SEMA5A: variants seen among roughly 807,000 people sequenced by gnomAD.
SEMA5A encodes semaphorin 5A.
A neutral mutation model predicts 135.5 loss-of-function variants in SEMA5A; 55 were observed. The observed-to-expected ratio is 0.41, with a 90% CI of 0.33 to 0.51. The LOEUF (loss-of-function observed/expected upper bound fraction) is 0.51, where lower values mean the gene tolerates loss of function less well. Among genes scored for constraint, SEMA5A ranks in the 20% least tolerant of loss-of-function variants. SEMA5A has a pLI of 0.37. For missense variants in SEMA5A, 1,290 were observed against 1,419.9 expected (o/e 0.91, Z 1.47); for synonymous variants, 580 against 546.5 (o/e 1.06, Z -0.85).
chr5:9,348,590 T>C (rs1186276343), intron 3 of SEMA5A, among the ~76,000 whole-genome samples: 1 of 152,208 alleles, frequency 6.6e-6, no homozygotes, highest in African/African-American at 2.4e-5. Context: ...TTTTAGGCTA[T>C]AAAATCTAAT....
chr5:9,472,875 A>G (rs1317677533), intron 1 of SEMA5A, among the ~76,000 whole-genome samples: 1 of 150,588 alleles, frequency 6.6e-6, no homozygotes, highest in Non-Finnish European at 1.5e-5. Context: ...ATACTTATAT[A>G]GAATTAGTAT....
At chr5:9,353,374 A>AAAGG (rs1754294646) in intron 3 of SEMA5A, among the ~76,000 whole-genome samples, 7 of 145,826 alleles carry the variant, frequency 4.8e-5, no homozygotes, top group South Asian at 2.3e-4. Flanking sequence ...AAAGGAAAGG[A>AAAGG]AAGGAAAGGA....
At chr5:9,072,787 A>G (rs1737841458) in intron 16 of SEMA5A, among the ~76,000 whole-genome samples, 1 of 152,202 alleles carries the variant, frequency 6.6e-6, no homozygotes, top group Non-Finnish European at 1.5e-5. Context: ...TTTTAGGACA[A>G]AAAAATTGTC....
intron 11 of SEMA5A, among the ~76,000 whole-genome samples, chr5:9,188,996 C>T (rs1209526080): frequency 6.6e-6 from 1 of 152,222 alleles, no homozygotes; most frequent in Non-Finnish European, 1.5e-5. Context: ...CCTCCATCTG[C>T]CCACTCAGTG....
chr5:9,309,368 A>G (rs574777587), intron 5 of SEMA5A, among the ~76,000 whole-genome samples: 3 of 152,242 alleles, frequency 2.0e-5, no homozygotes, highest in African/African-American at 7.2e-5. Context: ...AGCACAGACT[A>G]GGAGAAAATG....
intron 1 of SEMA5A, among the ~76,000 whole-genome samples, chr5:9,452,450 GATAATACACAC>G (rs1758680058): frequency 6.6e-6 from 1 of 152,182 alleles, no homozygotes; most frequent in Non-Finnish European, 1.5e-5. Context: ...CCTGACACCT[GATAATACACAC>G]TCTCTCAGGC....
At chr5:9,200,690 A>G (rs112891301) in intron 9 of SEMA5A, among the ~76,000 whole-genome samples, 5 of 152,186 alleles carry the variant, frequency 3.3e-5, no homozygotes, top group Non-Finnish European at 1.5e-5. Flanking sequence ...AAGACTCTTC[A>G]TGGGGGGTAA....
At position 9,444,401 on chromosome 5, in the gene SEMA5A, T is replaced by C. The variant is rs559557548; in HGVS notation, c.-174-6549A>G. Among the ~76,000 whole-genome samples the C allele has an allele frequency of 1.1e-4, 16 of 152,296 alleles. 1 individual carries two copies. The South Asian group carries it at 3.3e-3, about 32-fold the overall frequency. ...GTGTAATTCTTATGCCTTTTCATCC[T>C]CATAACTTAGCTCCCACTTATGAAT... is the stretch of plus-strand genomic sequence containing the variant. On this transcript the variant is annotated intron_variant, in intron 1 of 22. Transcript: ENST00000382496.
At chr5:9,240,730 A>T (rs562192955) in intron 5 of SEMA5A, among the ~76,000 whole-genome samples, 2 of 152,066 alleles carry the variant, frequency 1.3e-5, no homozygotes, top group Non-Finnish European at 2.9e-5. Context: ...ATACCTCTTA[A>T]TCAAGCCTTC....
intron 1 of SEMA5A, among the ~76,000 whole-genome samples, chr5:9,489,000 T>C (rs1045113493): frequency 6.6e-6 from 1 of 152,196 alleles, no homozygotes; most frequent in African/African-American, 2.4e-5. Context: ...ACTTTGTGGT[T>C]ACCTCCAGAG....
intron 3 of SEMA5A, among the ~76,000 whole-genome samples, chr5:9,353,108 A>G (rs1409648151): frequency 1.2e-3 from 56 of 45,282 alleles, no homozygotes; most frequent in African/African-American, 4.5e-3. Context: ...GAAGGAAAGG[A>G]AAGGAAAGGA....
intron 1 of SEMA5A, among the ~76,000 whole-genome samples, chr5:9,499,012 C>T (rs545360047): frequency 1.3e-5 from 2 of 152,238 alleles, no homozygotes; most frequent in East Asian, 1.9e-4. Context: ...ATGACAATGC[C>T]GCAACTATGT....
Position 9,279,998 on chromosome 5 carries a change from GC to G in SEMA5A, c.270+38373del, listed in dbSNP as rs1334782445. On this transcript the variant is annotated intron_variant, in intron 5 of 22. Coordinates refer to ENST00000382496, the MANE Select transcript of SEMA5A (RefSeq NM_003966.3). ...CACTGGCTAAAATATTAACTATCCAGCCCTTTCCAAGAAAGAGGTGACTGAA... is the reference window on the plus strand; with the variant it reads ...CACTGGCTAAAATATTAACTATCCAGCCTTTCCAAGAAAGAGGTGACTGAA... Among the ~76,000 whole-genome samples, 19 of 152,262 alleles carry G rather than the reference GC, an allele frequency of 1.2e-4. No individual in the cohort carries two copies. The East Asian group carries it at 3.7e-3, about 29-fold the overall frequency.
chr5:9,342,287 G>A (rs955277319), intron 3 of SEMA5A, among the ~76,000 whole-genome samples: 1 of 152,174 alleles, frequency 6.6e-6, no homozygotes, highest in Non-Finnish European at 1.5e-5. Context: ...AAATCTGACT[G>A]AGAGCCACTC....
chr5:9,049,895 AG>A (rs1736473076), intron 21 of SEMA5A, among the ~76,000 whole-genome samples: 1 of 152,246 alleles, frequency 6.6e-6, no homozygotes, highest in Non-Finnish European at 1.5e-5. Flanking sequence ...CTAGCACTAT[AG>A]GTATAACCTT....
intron 9 of SEMA5A, among the ~76,000 whole-genome samples, chr5:9,197,728 TTGTGTGTGTGTGTGTGTGTGTGTGTG>T (rs70943946): frequency 2.9e-4 from 17 of 59,308 alleles, no homozygotes; most frequent in Non-Finnish European, 4.2e-4. Flanking sequence ...GGAAAGCTGT[TTGTGTGTGTGTGTGTGTGTGTGTGTG>T]TGTGTGTGTG....
At chr5:9,181,485 A>G (rs1256362695) in intron 11 of SEMA5A, among the ~76,000 whole-genome samples, 1 of 151,884 alleles carries the variant, frequency 6.6e-6, no homozygotes, top group African/African-American at 2.4e-5. Flanking sequence ...TTTTTCCTCA[A>G]TTGGCAGCCC....
intron 2 of SEMA5A, among the ~76,000 whole-genome samples, chr5:9,388,587 C>T (rs113035466): frequency 2.0e-5 from 3 of 152,152 alleles, no homozygotes; most frequent in African/African-American, 7.2e-5. Context: ...GCAGAAAATT[C>T]ATGTGGACAC....
intron 16 of SEMA5A, 45 bp from the exon 17 acceptor site, chr5:9,066,691 A>G: frequency 6.5e-7 from 1 of 1,540,786 alleles, no homozygotes; most frequent in Non-Finnish European, 8.9e-7. Context: ...GGGTAAACAG[A>G]GCAACCTCAC....
Sources: gnomAD v4.1 joint callset for allele counts (sites outside exome capture counted in the v4.1 genomes callset) on GRCh38, gnomAD v4.1.1 for gene constraint, MANE v1.5 for transcripts, NCBI Gene and HGNC (gene_info 2026-07-23, HGNC 2026-07-21) for gene names.